Variants in ETV3 observed in about 807,000 individuals in gnomAD.
ETV3 encodes ETS variant transcription factor 3.
In ETV3, 8 loss-of-function variants were observed where a neutral mutation model predicts 33.0. The ratio of observed to expected loss-of-function variants is 0.24; its 90% CI spans 0.14 to 0.44. The LOEUF (loss-of-function observed/expected upper bound fraction) is 0.44. Ranked by LOEUF, ETV3 falls within the 20% of genes least tolerant of loss-of-function variation. The pLI, the probability that ETV3 is intolerant of heterozygous loss-of-function variation, is 1.00. For missense variants in ETV3, 473 were observed against 652.3 expected, an observed-to-expected ratio of 0.73 and a Z score of 2.99; for synonymous variants, 222 against 238.9, an observed-to-expected ratio of 0.93 and a Z score of 0.65.
Position 157,135,724 on chromosome 1 carries a change from G to A in ETV3, c.47-16C>T. The A allele has an allele frequency of 1.2e-6, 2 of 1,613,160 alleles. No individual in the cohort carries two copies. The highest frequency in any genetic ancestry group is 1.7e-6 in the Non-Finnish European group (2 of 1,179,174). On this transcript the variant is annotated splice_polypyrimidine_tract_variant and intron_variant, in intron 2 of 4. Transcript: ENST00000368192. Reference sequence around the variant, plus strand: ...AACTGATACCCTTTCATGTGAGAAGGTCAAGATTAAGCTAGTTAAGAGGTA... The same window carrying A: ...AACTGATACCCTTTCATGTGAGAAGATCAAGATTAAGCTAGTTAAGAGGTA...
At chr1:157,137,402 A>AT (rs1235936448) in intron 1 of ETV3, among the ~76,000 whole-genome samples, 2 of 151,796 alleles carry the variant, frequency 1.3e-5, no homozygotes, top group Non-Finnish European at 2.9e-5. Flanking sequence ...TCTTTTGAAT[A>AT]TTTTTTCTCA....
rs186740106 is a variant in ETV3 at position 157,124,570 on chromosome 1, T to C, written c.*271A>G. On this transcript the variant is annotated 3_prime_UTR_variant, in exon 5 of 5. Coordinates refer to ENST00000368192, the MANE Select transcript of ETV3 (RefSeq NM_001145312.3). ...CTTTGGGAGTTTCCTTGTCAGAAAG[T>C]ATAAGCCTCAACAGGAAATAGAGGC... 6.0e-4 allele frequency: 193 copies of C among 321,084 alleles called. 1 individual carries two copies. Among genetic ancestry groups the C allele is most frequent in the Non-Finnish European group, 9.1e-4 (160 of 176,574 alleles). 19.9% of individuals were successfully genotyped at this position (321,084 alleles called of 1,614,324 possible).
At chr1:157,126,196 C>T (rs145307664) in intron 4 of ETV3, among the ~76,000 whole-genome samples, 1 of 152,204 alleles carries the variant, frequency 6.6e-6, no homozygotes. Flanking sequence ...TCACAGTACT[C>T]CTTACTGTCA....
In ETV3 at chr1:157,135,477, G is replaced by C; in HGVS notation, c.278C>G (p.Ala93Gly). 1.2e-6 allele frequency: 2 copies of C among 1,613,868 alleles called. No homozygotes were observed. The highest frequency in any genetic ancestry group is 1.7e-6 in the Non-Finnish European group (2 of 1,179,868). The change falls in exon 3 of 5, where the codon GCC becomes GGC. Residue 93 changes from alanine to glycine, a missense_variant. Physicochemically the swap from Ala to Gly is moderately conservative, Grantham distance 60. This residue lies in a region of ETV3 where 30 missense variants were observed against 94.9 expected (regional missense o/e 0.32). Transcript: ENST00000368192. The part of the protein sequence containing the change: ...PQMNYDKLSR[A>G]LRYYYNKRIL... ...TGGGAATCCTTTTCCTTACCTGAGG[G>C]CCCGGCTCAGCTTGTCATAATTCAT... is the stretch of plus-strand genomic sequence containing the variant.
rs766013393 is a variant in ETV3 at position 157,124,591 on chromosome 1, G to C, written c.*250C>G. On this transcript the variant is annotated 3_prime_UTR_variant, in exon 5 of 5. Transcript: ENST00000368192. ...AAAGTATAAGCCTCAACAGGAAATA[G>C]AGGCTCCTTCTCCTTTGAGTTCAAT... The C allele has an allele frequency of 2.4e-5, 9 of 375,540 alleles. No homozygotes were observed. The highest frequency in any genetic ancestry group is 4.3e-5 in the Non-Finnish European group (9 of 210,996). The allele number at this position is 375,540 out of a possible 1,614,324, so 23.3% of individuals were successfully genotyped here. A position where few individuals can be genotyped will look rare whatever the true frequency, so the allele number is the denominator to read the frequency against.
intron 1 of ETV3, among the ~76,000 whole-genome samples, chr1:157,137,673 T>G (rs1213765350): frequency 6.6e-6 from 1 of 151,832 alleles, no homozygotes; most frequent in African/African-American, 2.4e-5. Flanking sequence ...CCCTGGACTC[T>G]TAACTCCTAG....
Position 157,125,000 on chromosome 1 carries a change from A to G in ETV3, c.1380T>C (p.Ser460=). 2 of 1,551,746 alleles carry G rather than the reference A, an allele frequency of 1.3e-6. No homozygotes were observed. Among genetic ancestry groups the G allele is most frequent in the South Asian group, 1.2e-5 (1 of 84,048 alleles). ...GTGCATCTTCTTTCTTCTCAGGTGCACTGGGCTCTTTGCCAGGCCTATCCT... is the reference window on the plus strand; with the variant it reads ...GTGCATCTTCTTTCTTCTCAGGTGCGCTGGGCTCTTTGCCAGGCCTATCCT... The part of the protein sequence containing the change: ...DSEDRPGKEP[S]APEKKEDALM... Residue 460 remains serine, a synonymous_variant, in exon 5 of 5, where the codon AGT becomes AGC. Transcript: ENST00000368192.
chr1:157,128,621 C>A, intron 4 of ETV3: 1 of 223,292 alleles, frequency 4.5e-6, no homozygotes, highest in Non-Finnish European at 9.4e-6. Flanking sequence ...GACATTAAGG[C>A]AGAAAAGGGC....
At chr1:157,138,120 A>G (rs1315196149) in intron 1 of ETV3, among the ~76,000 whole-genome samples, 196 bp downstream of exon 1, 1 of 152,084 alleles carries the variant, frequency 6.6e-6, no homozygotes, top group Non-Finnish European at 1.5e-5. Context: ...GGGCCACCGC[A>G]TGAACGCTGC....
At chr1:157,126,779 G>A (rs1222653375) in intron 4 of ETV3, among the ~76,000 whole-genome samples, 2 of 150,708 alleles carry the variant, frequency 1.3e-5, no homozygotes, top group Non-Finnish European at 2.9e-5. Flanking sequence ...CTGGCTGACT[G>A]TGCGGAGGGA....
chr1:157,137,509 AACACAC>A (rs10567825), intron 1 of ETV3, among the ~76,000 whole-genome samples: 33,446 of 144,880 alleles, frequency 0.23, 5,024 homozygotes, highest in East Asian at 0.61. Flanking sequence ...GACAAGGAAA[AACACAC>A]ACACACACAC....
rs1196607807 is a variant in ETV3, at chr1:157,125,362, T to G, written c.1018A>C (p.Thr340Pro). The G allele has an allele frequency of 1.9e-6, 3 of 1,551,946 alleles. No homozygotes were observed. Among genetic ancestry groups the G allele is most frequent in the South Asian group, 2.4e-5 (2 of 84,064 alleles). ...LQCQMHPEES[T>P]QFSIKLQPPP... ...GGCTGCAGCTTGATGGAGAACTGAGTTGACTCCTCAGGATGCATTTGGCAC... is the reference window on the plus strand; with the variant it reads ...GGCTGCAGCTTGATGGAGAACTGAGGTGACTCCTCAGGATGCATTTGGCAC... Residue 340 changes from threonine (T) to proline (P), a missense_variant, in exon 5 of 5, where the codon ACT (threonine) becomes CCT (proline). Transcript: ENST00000368192. This position sits in a 1 kb window ranked among gnomAD's most constrained non-coding sequence, Gnocchi z 4.0.
rs757527481 is a variant in ETV3, at chr1:157,125,418, C to T, written c.962G>A (p.Arg321His). ...TGGTGGAACCATGAGCCCTGGGTAA[C>T]GGGGAAAAGTCCGAGGACTCAGATG... ...NYHLSPRTFP[R>H]YPGLMVPPLQ... The change falls in exon 5 of 5, where the codon CGT becomes CAT. Residue 321 changes from arginine (R) to histidine (H), a missense_variant. Around this residue, in one of 3 missense-constraint regions of ETV3, gnomAD observed 410 missense variants for 520.2 expected, o/e 0.79. Transcript: ENST00000368192. The surrounding 1 kb of genome is among the most constrained non-coding windows in gnomAD (Gnocchi z 4.0). The T allele has an allele frequency of 1.8e-5, 28 of 1,552,006 alleles. No individual in the cohort carries two copies. Among genetic ancestry groups the T allele is most frequent in the South Asian group, 5.9e-5 (5 of 84,056 alleles).
rs1475070236 is a variant in ETV3, at chr1:157,125,450, G to A, written c.930C>T (p.Phe310=). The change falls in exon 5 of 5, where the codon TTC becomes TTT. Residue 310 remains phenylalanine, a synonymous_variant. Coordinates refer to ENST00000368192, the MANE Select transcript of ETV3 (RefSeq NM_001145312.3). This position sits in a 1 kb window ranked among gnomAD's most constrained non-coding sequence, Gnocchi z 4.0. ...AAGTCCGAGGACTCAGATGGTAGTT[G>A]AACACAGAACAAGCTTGAGAATGAA... ...HYLHSQACSV[F]NYHLSPRTFP... 3.9e-6 allele frequency: 6 copies of A among 1,552,166 alleles called. No individual in the cohort carries two copies. Among genetic ancestry groups the A allele is most frequent in the Non-Finnish European group, 5.2e-6 (6 of 1,147,130 alleles).
At chr1:157,126,062 T>C (rs1036236490) in intron 4 of ETV3, 83 bp from the exon 5 acceptor site, 17 of 1,215,380 alleles carry the variant, frequency 1.4e-5, no homozygotes, top group Admixed American at 1.4e-4. Flanking sequence ...GTGCAAAATA[T>C]TTAGTAGTAA....
At chr1:157,136,511 A>G in intron 1 of ETV3, 146 bp from the exon 2 acceptor site, 1 of 676,174 alleles carries the variant, frequency 1.5e-6, no homozygotes, top group Non-Finnish European at 2.5e-6. Flanking sequence ...TGTCACCTCC[A>G]AACTGCTACT....
intron 4 of ETV3, among the ~76,000 whole-genome samples, chr1:157,131,395 A>T (rs978680068): frequency 4.6e-5 from 7 of 152,350 alleles, no homozygotes; most frequent in African/African-American, 1.4e-4. Flanking sequence ...GGCCTCCAGG[A>T]TCTAAATCCA....
rs1674820928 is a variant in ETV3, at chr1:157,125,738, G to A, written c.642C>T (p.Ala214=). The change falls in exon 5 of 5, where the codon GCC becomes GCT. Residue 214 remains alanine, a synonymous_variant. Coordinates refer to ENST00000368192, the MANE Select transcript of ETV3 (RefSeq NM_001145312.3). This position sits in a 1 kb window ranked among gnomAD's most constrained non-coding sequence, Gnocchi z 4.0. ...RGVDPVSSRN[A]IGGGGIGHQK... ...GATGGCCAATCCCTCCTCCACCAAT[G>A]GCATTCCTGGAGGACACGGGATCCA... The A allele has an allele frequency of 3.2e-6, 5 of 1,551,524 alleles. No homozygotes were observed. The Middle Eastern group carries it at 6.7e-4, about 207-fold the overall frequency.
Position 157,123,129 on chromosome 1 carries a change from T to C in ETV3, c.*1712A>G, listed in dbSNP as rs942253386. ...GCTTAGGCTAAGGTGGAGTCAGAAA[T>C]GTCTCTAATTGTAGACACCATCTCT... On this transcript the variant is annotated 3_prime_UTR_variant, in exon 5 of 5. Coordinates refer to ENST00000368192, the MANE Select transcript of ETV3 (RefSeq NM_001145312.3). The C allele has an allele frequency of 2.0e-5, 3 of 152,380 alleles. No individual in the cohort carries two copies. Among genetic ancestry groups the C allele is most frequent in the Non-Finnish European group, 4.4e-5 (3 of 68,036 alleles). 9.4% of individuals were successfully genotyped at this position (152,380 alleles called of 1,614,324 possible).
Sources: allele counts gnomAD v4.1 joint callset (sites outside exome capture counted in the v4.1 genomes callset), GRCh38; gene constraint gnomAD v4.1.1; regional missense constraint gnomAD v4.1.1; non-coding constraint Gnocchi (gnomAD v3.1); transcripts MANE v1.5; gene names NCBI Gene and HGNC (gene_info 2026-07-23, HGNC 2026-07-21).